TOP6BL: variants seen among roughly 807,000 people sequenced by gnomAD.
TOP6BL encodes the protein type 2 DNA topoisomerase 6 subunit B-like.
At chr11:66,788,110 T>G in the TOP6BL span, 1 of 1,333,304 alleles carries the variant, frequency 7.5e-7, no homozygotes, top group Non-Finnish European at 1.1e-6. Flanking sequence ...GAAATCCTGG[T>G]TCTTATCCAA....
the TOP6BL span, among the ~76,000 whole-genome samples, chr11:66,794,491 ATATT>A: frequency 2.0e-5 from 3 of 152,148 alleles, no homozygotes; most frequent in African/African-American, 7.2e-5. Flanking sequence ...CTTTTGTAAA[ATATT>A]TATTTTTATT....
chr11:66,843,255 C>T, the TOP6BL span: 6 of 1,606,232 alleles, frequency 3.7e-6, no homozygotes, highest in South Asian at 1.1e-5. Context: ...CTTCCGCAAG[C>T]GCCCACCGAT....
the TOP6BL span, among the ~76,000 whole-genome samples, chr11:66,823,294 CAAAA>C: frequency 2.7e-4 from 11 of 41,286 alleles, no homozygotes; most frequent in East Asian, 7.0e-4. Flanking sequence ...GACTCCACCT[CAAAA>C]AAAAAAAAAA....
the TOP6BL span, among the ~76,000 whole-genome samples, chr11:66,806,342 T>A: frequency 6.6e-6 from 1 of 152,222 alleles, no homozygotes; most frequent in South Asian, 2.1e-4. Context: ...GGGGTTTGTT[T>A]GCTCGTTTTA....
chr11:66,785,944 T>G, the TOP6BL span, among the ~76,000 whole-genome samples: 21 of 152,386 alleles, frequency 1.4e-4, no homozygotes, highest in Non-Finnish European at 2.9e-4. Context: ...TTGTTCCCTT[T>G]TTGTTGTTCT....
the TOP6BL span, among the ~76,000 whole-genome samples, chr11:66,757,168 C>T: frequency 2.0e-5 from 3 of 151,934 alleles, no homozygotes; most frequent in Non-Finnish European, 4.4e-5. Context: ...CATAGTGAAA[C>T]TTCGTCTCTA....
At chr11:66,807,519 C>T in the TOP6BL span, among the ~76,000 whole-genome samples, 8 of 152,110 alleles carry the variant, frequency 5.3e-5, no homozygotes, top group South Asian at 1.2e-3. Flanking sequence ...TGCGGTGAGC[C>T]GAGATCGCGC....
the TOP6BL span, among the ~76,000 whole-genome samples, chr11:66,785,267 A>T: frequency 6.6e-6 from 1 of 151,996 alleles, no homozygotes; most frequent in Non-Finnish European, 1.5e-5. Flanking sequence ...CCAGTTTCCA[A>T]GATTTCTAAT....
At chr11:66,748,969 G>A in the TOP6BL span, among the ~76,000 whole-genome samples, 1 of 148,394 alleles carries the variant, frequency 6.7e-6, no homozygotes, top group African/African-American at 2.5e-5. Flanking sequence ...TATCATTTTT[G>A]CCTGTTGTCT....
the TOP6BL span, among the ~76,000 whole-genome samples, chr11:66,783,695 TCA>T: frequency 6.6e-6 from 1 of 152,202 alleles, no homozygotes; most frequent in Non-Finnish European, 1.5e-5. Context: ...TTTATATTTC[TCA>T]GTCATTATTT....
the TOP6BL span, among the ~76,000 whole-genome samples, chr11:66,823,920 A>T: frequency 6.6e-6 from 1 of 152,224 alleles, no homozygotes; most frequent in African/African-American, 2.4e-5. Context: ...ATACACTGGA[A>T]ATAACTGAGC....
the TOP6BL span, among the ~76,000 whole-genome samples, chr11:66,774,620 AT>A: frequency 5.9e-5 from 9 of 151,598 alleles, no homozygotes; most frequent in Non-Finnish European, 1.3e-4. Context: ...CGCCTGGCTA[AT>A]TTTTTTGTTT....
the TOP6BL span, among the ~76,000 whole-genome samples, chr11:66,753,379 C>T: frequency 3.3e-5 from 5 of 150,726 alleles, no homozygotes; most frequent in South Asian, 8.4e-4. Context: ...GTTACTGCTG[C>T]TCACGTTCTA....
At chr11:66,800,749 T>G in the TOP6BL span, 1 of 1,428,740 alleles carries the variant, frequency 7.0e-7, no homozygotes. Flanking sequence ...GCAATTTTTC[T>G]CAGCTATTAT....
At chr11:66,816,246 A>T in the TOP6BL span, 1 of 1,556,898 alleles carries the variant, frequency 6.4e-7, no homozygotes, top group Non-Finnish European at 8.7e-7. Context: ...GCCAAATGCT[A>T]AGAGAGAGGG....
chr11:66,813,477 G>A, the TOP6BL span, among the ~76,000 whole-genome samples: 1 of 152,182 alleles, frequency 6.6e-6, no homozygotes, highest in Admixed American at 6.5e-5. Context: ...GCTCACGCCT[G>A]TAATCCCAGC....
chr11:66,797,509 CT>C, the TOP6BL span, among the ~76,000 whole-genome samples: 10 of 149,058 alleles, frequency 6.7e-5, no homozygotes, highest in Admixed American at 4.7e-4. Context: ...CAAATAAGGA[CT>C]TTTTTTTTTC....
chr11:66,817,312 TTATC>T, the TOP6BL span, among the ~76,000 whole-genome samples: 2 of 152,162 alleles, frequency 1.3e-5, no homozygotes, highest in East Asian at 1.9e-4. Flanking sequence ...CCTTTGGTGT[TTATC>T]TATTAGATGG....
the TOP6BL span, among the ~76,000 whole-genome samples, chr11:66,826,502 T>C: frequency 6.6e-6 from 1 of 152,186 alleles, no homozygotes; most frequent in African/African-American, 2.4e-5. Context: ...AGTCAAAGTG[T>C]ATAACACATT....
Sources: allele counts gnomAD v4.1 joint callset (sites outside exome capture counted in the v4.1 genomes callset), GRCh38; gene constraint gnomAD v4.1.1; transcripts MANE v1.5; gene names NCBI Gene and HGNC (gene_info 2026-07-23, HGNC 2026-07-21).